NLGN1: variants seen among roughly 807,000 people sequenced by gnomAD.
NLGN1 encodes the protein neuroligin 1, also known as neuroligin-1.
A neutral mutation model predicts 65.5 loss-of-function variants in NLGN1; 12 were observed. That is an observed-to-expected ratio of 0.18 (90% CI 0.12 to 0.30). The LOEUF is 0.30. NLGN1 is among the 10% of genes least tolerant of loss of function. The pLI, the probability that NLGN1 is intolerant of heterozygous loss-of-function variation, is 1.00. For missense variants in NLGN1, 750 were observed against 1,007.1 expected, an observed-to-expected ratio of 0.74 and a Z score of 3.46; for synonymous variants, 350 against 359.5, an observed-to-expected ratio of 0.97 and a Z score of 0.30.
At chr3:174,094,305 A>T (rs2152567018) in intron 4 of NLGN1, among the ~76,000 whole-genome samples, 1 of 152,358 alleles carries the variant, frequency 6.6e-6, no homozygotes, top group Non-Finnish European at 1.5e-5. Context: ...AATATGTTTG[A>T]ACATTTATAT....
intron 2 of NLGN1, among the ~76,000 whole-genome samples, chr3:173,501,341 T>C (rs1268959359): frequency 1.3e-5 from 2 of 152,050 alleles, no homozygotes; most frequent in African/African-American, 4.8e-5. Flanking sequence ...CACTTACAAG[T>C]GTATCTCAGA....
chr3:173,687,306 C>A (rs1560170525), intron 3 of NLGN1, among the ~76,000 whole-genome samples: 1 of 152,206 alleles, frequency 6.6e-6, no homozygotes, highest in African/African-American at 2.4e-5. Flanking sequence ...TCTACCCACA[C>A]ATGTGATTTT....
chr3:173,946,224 C>A (rs1186196763), intron 4 of NLGN1, among the ~76,000 whole-genome samples: 1 of 152,108 alleles, frequency 6.6e-6, no homozygotes, highest in Non-Finnish European at 1.5e-5. Flanking sequence ...CCCAATAAAC[C>A]AAAATCACTT....
At chr3:173,399,191 A>C (rs2148594515) in intron 1 of NLGN1, among the ~76,000 whole-genome samples, 1 of 152,378 alleles carries the variant, frequency 6.6e-6, no homozygotes, top group African/African-American at 2.4e-5. Flanking sequence ...GAAGTTAATC[A>C]TTACTCAGGC....
chr3:173,647,421 A>G (rs1200433742), intron 3 of NLGN1, among the ~76,000 whole-genome samples: 3 of 152,104 alleles, frequency 2.0e-5, no homozygotes, highest in African/African-American at 7.2e-5. Flanking sequence ...CAGAACTTTT[A>G]CCAAGATAAG....
intron 4 of NLGN1, among the ~76,000 whole-genome samples, chr3:173,838,632 T>A (rs1451223190): frequency 6.7e-6 from 1 of 150,224 alleles, no homozygotes; most frequent in Non-Finnish European, 1.5e-5. Flanking sequence ...AGAGAGACTT[T>A]AAAAAAAAAA....
At chr3:173,810,992 C>T (rs1717800485) in intron 4 of NLGN1, among the ~76,000 whole-genome samples, 2 of 152,278 alleles carry the variant, frequency 1.3e-5, no homozygotes, top group South Asian at 2.1e-4. Context: ...CAGGACTCTG[C>T]CTACTAACCT....
chr3:173,629,201 C>A (rs1755287967), intron 3 of NLGN1, among the ~76,000 whole-genome samples: 1 of 151,560 alleles, frequency 6.6e-6, no homozygotes, highest in Admixed American at 6.6e-5. Flanking sequence ...CAGGAGGATC[C>A]AATTATTTCT....
At chr3:173,850,380 G>A (rs1230557859) in intron 4 of NLGN1, among the ~76,000 whole-genome samples, 1 of 152,032 alleles carries the variant, frequency 6.6e-6, no homozygotes, top group African/African-American at 2.4e-5. Context: ...AGGTCCCTGG[G>A]GCACAAGTTC....
At chr3:174,218,359 G>T (rs1321826573) in intron 4 of NLGN1, among the ~76,000 whole-genome samples, 3 of 151,958 alleles carry the variant, frequency 2.0e-5, no homozygotes, top group South Asian at 2.1e-4. Flanking sequence ...CTTCAGTGAG[G>T]TTAAGGAATT....
chr3:173,938,013 A>G (rs1041498717), intron 4 of NLGN1, among the ~76,000 whole-genome samples: 1 of 152,204 alleles, frequency 6.6e-6, no homozygotes, highest in Non-Finnish European at 1.5e-5. Context: ...ATAACAATAA[A>G]CATAAATAGG....
intron 4 of NLGN1, among the ~76,000 whole-genome samples, chr3:174,053,820 G>A (rs1349747789): frequency 3.3e-5 from 5 of 151,696 alleles, no homozygotes; most frequent in African/African-American, 7.3e-5. Context: ...AACATTCACA[G>A]CATTACATTA....
chr3:174,276,520 T>C (rs2152888406), intron 5 of NLGN1, among the ~76,000 whole-genome samples: 1 of 152,064 alleles, frequency 6.6e-6, no homozygotes, highest in Non-Finnish European at 1.5e-5. Context: ...AAGTATACAC[T>C]GTCAAGTATA....
intron 3 of NLGN1, among the ~76,000 whole-genome samples, chr3:173,755,396 A>G (rs529979447): frequency 5.7e-4 from 87 of 152,158 alleles, no homozygotes; most frequent in Admixed American, 9.2e-4. Flanking sequence ...CTTACAAAAT[A>G]CTGCTGAGAC....
At chr3:173,734,379 C>CAATTTTTT (rs1560261820) in intron 3 of NLGN1, among the ~76,000 whole-genome samples, 1 of 59,048 alleles carries the variant, frequency 1.7e-5, no homozygotes, top group African/African-American at 6.4e-5. Context: ...GTGGATAATT[C>CAATTTTTT]TATTTTTTTT....
At chr3:173,629,034 C>T (rs2149532026) in intron 3 of NLGN1, among the ~76,000 whole-genome samples, 1 of 151,674 alleles carries the variant, frequency 6.6e-6, no homozygotes, top group Admixed American at 6.6e-5. Flanking sequence ...CATTATGTAG[C>T]ATTATACAAA....
intron 4 of NLGN1, among the ~76,000 whole-genome samples, chr3:174,110,327 G>A (rs971022071): frequency 2.6e-5 from 4 of 151,874 alleles, no homozygotes; most frequent in African/African-American, 9.7e-5. Context: ...TTGGTTGCTT[G>A]CATTATTACT....
chr3:174,103,852 A>T (rs1033012598), intron 4 of NLGN1, among the ~76,000 whole-genome samples: 12 of 151,816 alleles, frequency 7.9e-5, no homozygotes, highest in African/African-American at 2.9e-4. Flanking sequence ...AGCATATAAA[A>T]TTTTTTTCTT....
intron 3 of NLGN1, among the ~76,000 whole-genome samples, chr3:173,685,209 C>G (rs750803429): frequency 6.6e-6 from 1 of 151,990 alleles, no homozygotes; most frequent in Non-Finnish European, 1.5e-5. Context: ...AAGTTGCTCC[C>G]AATATTACAA....
Sources: allele counts gnomAD v4.1 joint callset (sites outside exome capture counted in the v4.1 genomes callset), GRCh38; gene constraint gnomAD v4.1.1; transcripts MANE v1.5; gene names NCBI Gene and HGNC (gene_info 2026-07-23, HGNC 2026-07-21).